Variants in LRP1B observed in about 807,000 individuals in gnomAD.
LRP1B encodes low-density lipoprotein receptor-related protein 1B.
A neutral mutation model predicts 556.6 loss-of-function variants in LRP1B; 217 were observed. That is an observed-to-expected ratio of 0.39 (90% CI 0.35 to 0.44). The LOEUF is 0.44. LRP1B is among the 20% of genes least tolerant of loss of function. The pLI is 1.00. For synonymous variants in LRP1B, 2,047 were observed against 1,865.8 expected, an observed-to-expected ratio of 1.10 and a Z score of -2.50; for missense variants, 5,053 against 5,620.8, an observed-to-expected ratio of 0.90 and a Z score of 3.23.
chr2:140,285,377 A>G (rs1683105044), intron 84 of LRP1B, among the ~76,000 whole-genome samples: 1 of 150,890 alleles, frequency 6.6e-6, no homozygotes. Context: ...ACATATATAT[A>G]CACACATATA....
intron 47 of LRP1B, among the ~76,000 whole-genome samples, chr2:140,532,807 C>A (rs187188707): frequency 6.6e-6 from 1 of 151,810 alleles, no homozygotes; most frequent in Non-Finnish European, 1.5e-5. Flanking sequence ...ATTCATTCTA[C>A]CTTATTTTTA....
intron 60 of LRP1B, 85 bp from the exon 61 acceptor site, chr2:140,457,736 A>C: frequency 9.4e-7 from 1 of 1,062,636 alleles, no homozygotes; most frequent in Non-Finnish European, 1.4e-6. Flanking sequence ...TGACAGATAC[A>C]ACTGCTACAT....
At chr2:140,854,985 G>T (rs1692570026) in intron 27 of LRP1B, among the ~76,000 whole-genome samples, 1 of 151,982 alleles carries the variant, frequency 6.6e-6, no homozygotes, top group Non-Finnish European at 1.5e-5. Context: ...AATACAGCTG[G>T]GCAGACTGGG....
chr2:141,702,133 A>G (rs1271863610), intron 2 of LRP1B, among the ~76,000 whole-genome samples: 3 of 151,896 alleles, frequency 2.0e-5, no homozygotes, highest in Non-Finnish European at 2.9e-5. Context: ...TAAACAAGGT[A>G]TTTTAAGTGG....
intron 1 of LRP1B, among the ~76,000 whole-genome samples, chr2:142,071,165 C>T (rs915095794): frequency 1.9e-4 from 29 of 151,764 alleles, no homozygotes; most frequent in African/African-American, 6.5e-4. Flanking sequence ...CTTTTATATT[C>T]GTAAATGAAA....
intron 7 of LRP1B, among the ~76,000 whole-genome samples, chr2:141,082,968 T>G (rs2104888666): frequency 6.6e-6 from 1 of 152,278 alleles, no homozygotes; most frequent in East Asian, 1.9e-4. Context: ...AAGCAACCAA[T>G]CAAGAATATG....
At chr2:141,340,560 C>T (rs555114628) in intron 3 of LRP1B, among the ~76,000 whole-genome samples, 1 of 152,248 alleles carries the variant, frequency 6.6e-6, no homozygotes, top group African/African-American at 2.4e-5. Context: ...TTACTATATA[C>T]ATACCATTAC....
intron 60 of LRP1B, among the ~76,000 whole-genome samples, chr2:140,459,054 T>C (rs1400182041): frequency 1.3e-5 from 2 of 152,122 alleles, no homozygotes; most frequent in Non-Finnish European, 2.9e-5. Context: ...ACACTTTAGA[T>C]GTTTTGAATT....
At chr2:141,761,558 G>A (rs768535579) in intron 2 of LRP1B, among the ~76,000 whole-genome samples, 7 of 152,074 alleles carry the variant, frequency 4.6e-5, no homozygotes, top group South Asian at 2.1e-4. Flanking sequence ...AGCTTGAGAT[G>A]TGCTATTAGA....
chr2:141,782,741 G>A (rs1030543998), intron 2 of LRP1B, among the ~76,000 whole-genome samples: 1 of 152,004 alleles, frequency 6.6e-6, no homozygotes, highest in Non-Finnish European at 1.5e-5. Context: ...TGGTCAATGA[G>A]GAATGTGTGA....
intron 6 of LRP1B, among the ~76,000 whole-genome samples, chr2:141,200,245 CA>C (rs1405736749): frequency 4.0e-5 from 6 of 151,002 alleles, no homozygotes; most frequent in Admixed American, 2.0e-4. Context: ...TATGTAGCCA[CA>C]AAAAAACAAA....
At position 141,218,657 on chromosome 2, in the gene LRP1B, A is replaced by T. The variant is rs576780785; in HGVS notation, c.850+10526T>A. ...AAGGGGTAAAGGGAAAAGATTGAAA[A>T]ACTACCTATTGGATACTACATTCAC... On this transcript the variant is annotated intron_variant, in intron 6 of 90. Transcript: ENST00000389484. Among the ~76,000 whole-genome samples the T allele has an allele frequency of 3.7e-4, 57 of 152,302 alleles. 2 individuals are homozygous for T. The South Asian group carries it at 0.012, about 31-fold the overall frequency.
chr2:141,914,276 GTGAT>G (rs1450023580), intron 1 of LRP1B, among the ~76,000 whole-genome samples: 3 of 152,214 alleles, frequency 2.0e-5, no homozygotes. Flanking sequence ...AAAAGATAAA[GTGAT>G]TGGCAACAAA....
chr2:141,892,049 T>C (rs1467038458), intron 1 of LRP1B, among the ~76,000 whole-genome samples: 1 of 152,154 alleles, frequency 6.6e-6, no homozygotes, highest in East Asian at 1.9e-4. Flanking sequence ...CGGAAAGGTA[T>C]GTGTTAAGCA....
At chr2:141,348,244 C>T (rs1399349453) in intron 3 of LRP1B, among the ~76,000 whole-genome samples, 5 of 151,878 alleles carry the variant, frequency 3.3e-5, no homozygotes, top group Non-Finnish European at 7.4e-5. Flanking sequence ...AAGCAACAAA[C>T]CGCCAGTTAG....
intron 2 of LRP1B, among the ~76,000 whole-genome samples, chr2:141,531,369 G>A (rs533871209): frequency 5.9e-5 from 9 of 152,126 alleles, no homozygotes; most frequent in African/African-American, 1.7e-4. Context: ...GACATATTGA[G>A]CTTTTTCAGA....
At chr2:140,736,422 C>T (rs907323334) in intron 35 of LRP1B, among the ~76,000 whole-genome samples, 1 of 152,124 alleles carries the variant, frequency 6.6e-6, no homozygotes, top group African/African-American at 2.4e-5. Context: ...ATTGCCAAGT[C>T]AATCCTAAGC....
At chr2:140,287,441 T>G (rs1461476938) in intron 84 of LRP1B, among the ~76,000 whole-genome samples, 3 of 151,712 alleles carry the variant, frequency 2.0e-5, no homozygotes, top group Non-Finnish European at 4.4e-5. Context: ...TGTCGTCCTA[T>G]CCATCTGAAT....
At chr2:141,663,411 A>G (rs577780247) in intron 2 of LRP1B, among the ~76,000 whole-genome samples, 1 of 46,018 alleles carries the variant, frequency 2.2e-5, no homozygotes, top group Non-Finnish European at 5.9e-5. Flanking sequence ...CTGGTTTTGT[A>G]AAAAAAAAAA....
Sources: gnomAD v4.1 joint callset for allele counts (sites outside exome capture counted in the v4.1 genomes callset) on GRCh38, gnomAD v4.1.1 for gene constraint, MANE v1.5 for transcripts, NCBI Gene and HGNC (gene_info 2026-07-23, HGNC 2026-07-21) for gene names.